BNC2: variants seen among roughly 807,000 people sequenced by gnomAD.
BNC2 encodes the protein zinc finger protein basonuclin-2.
In BNC2, 20 loss-of-function variants were observed where a neutral mutation model predicts 76.3. The ratio of observed to expected loss-of-function variants is 0.26; its 90% confidence interval spans 0.18 to 0.38. The LOEUF (loss-of-function observed/expected upper bound fraction) is 0.38. Among genes scored for constraint, BNC2 ranks in the 10% least tolerant of loss-of-function variants. BNC2 has a pLI of 1.00. For synonymous variants in BNC2, 582 were observed against 514.8 expected (o/e 1.13, Z -1.77); for missense variants, 1,382 against 1,399.8 (o/e 0.99, Z 0.20).
rs370376511 is a variant in BNC2 at position 16,779,065 on chromosome 9, G to A, written c.4-40580C>T. Among the ~76,000 whole-genome samples, 3 of 144,274 alleles carry A rather than the reference G, an allele frequency of 2.1e-5. No individual in the cohort carries two copies. In the South Asian group the frequency reaches 6.4e-4, roughly 31 times the overall value. 94.6% of individuals were successfully genotyped at this position (144,274 alleles called of 152,430 possible). ...AGGCCAAGGATGGTTGATTGCTTGCGGTCAGGAGTTCAAGACCAACCTAGG... is the reference window on the plus strand; with the variant it reads ...AGGCCAAGGATGGTTGATTGCTTGCAGTCAGGAGTTCAAGACCAACCTAGG... On this transcript the variant is annotated intron_variant, in intron 1 of 6. Coordinates refer to ENST00000380672, the MANE Select transcript of BNC2 (RefSeq NM_017637.6).
intron 5 of BNC2, among the ~76,000 whole-genome samples, chr9:16,504,733 G>T (rs921076737): frequency 1.3e-5 from 2 of 152,212 alleles, no homozygotes; most frequent in Admixed American, 1.3e-4. Context: ...TATAGTCCCA[G>T]CTACTGAGGA....
chr9:16,578,640 G>C (rs566961563), intron 4 of BNC2, among the ~76,000 whole-genome samples: 10 of 148,182 alleles, frequency 6.7e-5, no homozygotes, highest in African/African-American at 2.6e-4. Flanking sequence ...TGGAGGCAAA[G>C]GGTAAAAAGA....
intron 5 of BNC2, among the ~76,000 whole-genome samples, chr9:16,523,025 A>G (rs149601133): frequency 1.3e-5 from 2 of 152,188 alleles, no homozygotes; most frequent in Non-Finnish European, 2.9e-5. Context: ...TATTCACTCA[A>G]TCAGAAGACT....
intron 5 of BNC2, among the ~76,000 whole-genome samples, chr9:16,448,642 G>C (rs558429485): frequency 6.6e-6 from 1 of 152,308 alleles, no homozygotes; most frequent in East Asian, 1.9e-4. Flanking sequence ...CCATAAAACA[G>C]TGAGGATTGA....
intron 1 of BNC2, among the ~76,000 whole-genome samples, chr9:16,771,155 C>G (rs530434760): frequency 6.6e-6 from 1 of 151,984 alleles, no homozygotes; most frequent in Non-Finnish European, 1.5e-5. Flanking sequence ...GGTGACAGAG[C>G]GAGACTCTGT....
In BNC2 at chr9:16,435,842, G is replaced by A. The variant is rs748622729; in HGVS notation, c.2352C>T (p.Asp784=). 12 of 1,613,990 alleles carry A rather than the reference G, an allele frequency of 7.4e-6. 1 individual carries two copies. The South Asian group carries it at 1.3e-4, about 18-fold the overall frequency. Residue 784 remains aspartate (D), a synonymous_variant, in exon 6 of 7, where the codon GAC becomes GAT. Transcript: ENST00000380672. The part of the protein sequence containing the change: ...VKEEFTDPTY[D]MFYMSQYGLY... ...GTCCATACTGGCTCATGTAAAACAT[G>A]TCGTAAGTGGGGTCTGTAAATTCTT...
intron 5 of BNC2, among the ~76,000 whole-genome samples, chr9:16,541,467 C>G (rs1188092768): frequency 6.6e-6 from 1 of 152,146 alleles, no homozygotes; most frequent in East Asian, 1.9e-4. Context: ...CGTGGAAAAG[C>G]AGAAAAGCAA....
chr9:16,697,863 A>C (rs1457536293), intron 3 of BNC2, among the ~76,000 whole-genome samples: 3 of 152,180 alleles, frequency 2.0e-5, no homozygotes, highest in Non-Finnish European at 1.5e-5. Context: ...ATTGATTGCC[A>C]CGTACCTGGA....
intron 5 of BNC2, among the ~76,000 whole-genome samples, chr9:16,484,076 A>C (rs1286070119): frequency 6.6e-6 from 1 of 152,110 alleles, no homozygotes; most frequent in Non-Finnish European, 1.5e-5. Context: ...TCTTAAAATG[A>C]CCCCAAGGCT....
chr9:16,560,724 C>T (rs1245489699), intron 4 of BNC2, among the ~76,000 whole-genome samples: 1 of 152,130 alleles, frequency 6.6e-6, no homozygotes, highest in Admixed American at 6.5e-5. Flanking sequence ...GAGACCGCAT[C>T]TCTAAACAGC....
At position 16,828,086 on chromosome 9, in the gene BNC2, A is replaced by G. The variant is rs183614069; in HGVS notation, c.3+42560T>C. On this transcript the variant is annotated intron_variant, in intron 1 of 6. Coordinates refer to ENST00000380672, the MANE Select transcript of BNC2 (RefSeq NM_017637.6). ...ATATGTTCACACTATAAAGTCATCC[A>G]AAATCCTACACAAAATGTAAAAAGT... is the stretch of plus-strand genomic sequence containing the variant. Among the ~76,000 whole-genome samples, 10 of 152,358 alleles carry G rather than the reference A, an allele frequency of 6.6e-5. No individual in the cohort carries two copies. The East Asian group carries it at 1.9e-3, about 29-fold the overall frequency.
intron 3 of BNC2, among the ~76,000 whole-genome samples, chr9:16,673,541 T>A (rs1822548028): frequency 6.6e-6 from 1 of 151,844 alleles, no homozygotes; most frequent in African/African-American, 2.4e-5. Flanking sequence ...CAAGTCCCAG[T>A]CAAGAAAGAT....
chr9:16,515,955 AAGTC>A (rs1822868093), intron 5 of BNC2, among the ~76,000 whole-genome samples: 1 of 151,848 alleles, frequency 6.6e-6, no homozygotes, highest in Admixed American at 6.6e-5. Flanking sequence ...AAAAAAAAAA[AAGTC>A]AGACTGCCAC....
chr9:16,771,761 C>A (rs1205853442), intron 1 of BNC2, among the ~76,000 whole-genome samples: 3 of 152,162 alleles, frequency 2.0e-5, no homozygotes, highest in Non-Finnish European at 4.4e-5. Flanking sequence ...CTTCAATTTT[C>A]CCTAGAAAGG....
chr9:16,738,587 A>G, intron 1 of BNC2, 102 bp from the exon 2 acceptor site: 1 of 1,265,700 alleles, frequency 7.9e-7, no homozygotes, highest in Non-Finnish European at 1.1e-6. Flanking sequence ...TAACACACCA[A>G]TGACCAACTA....
rs1233785184 is a variant in BNC2, at chr9:16,690,865, C to CGGGGTGGAGCAGG, written c.330+36919_330+36931dup. 3.9e-5 allele frequency among the ~76,000 whole-genome samples: 6 copies of CGGGGTGGAGCAGG among 152,166 alleles called. No homozygotes were observed. In the East Asian group the frequency reaches 1.2e-3, roughly 29 times the overall value. On this transcript the variant is annotated intron_variant, in intron 3 of 6. Transcript: ENST00000380672. ...ACGGAGGTGGGGGGATGCCAGGGTG[C>CGGGGTGGAGCAGG]GGGGTGGAGCAGGCACAATGTCCTC...
chr9:16,498,992 C>T (rs1273261895), intron 5 of BNC2, among the ~76,000 whole-genome samples: 1 of 152,092 alleles, frequency 6.6e-6, no homozygotes, highest in Non-Finnish European at 1.5e-5. Context: ...ATTTAATAAC[C>T]GTTTTATTAG....
intron 5 of BNC2, among the ~76,000 whole-genome samples, chr9:16,510,447 C>A (rs572513331): frequency 1.3e-5 from 2 of 152,344 alleles, no homozygotes; most frequent in East Asian, 1.9e-4. Flanking sequence ...ACAGAGGTAT[C>A]TGACCTCCTT....
chr9:16,826,056 G>T (rs564094144), intron 1 of BNC2, among the ~76,000 whole-genome samples: 3 of 152,104 alleles, frequency 2.0e-5, no homozygotes, highest in African/African-American at 7.2e-5. Flanking sequence ...CAAATCCCCT[G>T]ATGGAACTGA....
Sources: allele counts gnomAD v4.1 joint callset (sites outside exome capture counted in the v4.1 genomes callset), GRCh38; gene constraint gnomAD v4.1.1; transcripts MANE v1.5; gene names NCBI Gene and HGNC (gene_info 2026-07-23, HGNC 2026-07-21).